The following ZEB2 variants were observed in gnomAD, a reference collection of about 807,000 sequenced individuals.
ZEB2 encodes the protein zinc finger E-box-binding homeobox 2.
A neutral mutation model predicts 99.9 loss-of-function variants in ZEB2; 6 were observed. That is an observed-to-expected ratio of 0.06 (90% confidence interval 0.03 to 0.12). The LOEUF is 0.12. ZEB2 is among the 10% of genes least tolerant of loss of function. The probability of loss-of-function intolerance (pLI) is 1.00; values close to 1 mark genes in which losing one functional copy is unlikely to be tolerated. For synonymous variants in ZEB2, 517 were observed against 542.5 expected (o/e 0.95, Z 0.65); for missense variants, 969 against 1,502.8 (o/e 0.64, Z 5.87).
intron 2 of ZEB2, among the ~76,000 whole-genome samples, chr2:144,500,239 C>T (rs1294188513): frequency 6.6e-6 from 1 of 152,054 alleles, no homozygotes; most frequent in African/African-American, 2.4e-5. Flanking sequence ...TTAGGCAGCG[C>T]GACCGCATTT....
chr2:144,510,073 C>T (rs1242710852), intron 2 of ZEB2, among the ~76,000 whole-genome samples: 1 of 152,080 alleles, frequency 6.6e-6, no homozygotes. Flanking sequence ...GTGTGAAAAA[C>T]GTGGCACTTT....
At chr2:144,437,732 T>A (rs556453756) in intron 2 of ZEB2, among the ~76,000 whole-genome samples, 1 of 152,174 alleles carries the variant, frequency 6.6e-6, no homozygotes, top group South Asian at 2.1e-4. Flanking sequence ...AAACCTTGAA[T>A]AAACGGAATA....
chr2:144,516,229 C>CT (rs1197257044), intron 2 of ZEB2: 2 of 148,470 alleles, frequency 1.3e-5, no homozygotes, highest in South Asian at 2.2e-4. Flanking sequence ...CCCACCCCCC[C>CT]CCGGCACCCT....
chr2:144,489,110 C>G (rs548971900), intron 2 of ZEB2, among the ~76,000 whole-genome samples: 3 of 152,114 alleles, frequency 2.0e-5, no homozygotes, highest in African/African-American at 7.2e-5. Flanking sequence ...AGAATTTACA[C>G]GAGTGCTATT....
intron 2 of ZEB2, among the ~76,000 whole-genome samples, chr2:144,452,127 T>C (rs1704062695): frequency 6.6e-6 from 1 of 152,166 alleles, no homozygotes; most frequent in African/African-American, 2.4e-5. Context: ...AGCCTTTTAA[T>C]GTTATTTATT....
chr2:144,490,651 C>G (rs1704664344), intron 2 of ZEB2, among the ~76,000 whole-genome samples: 1 of 152,156 alleles, frequency 6.6e-6, no homozygotes, highest in Non-Finnish European at 1.5e-5. Context: ...CTAAAAAGAG[C>G]CTCGATGAAA....
intron 2 of ZEB2, among the ~76,000 whole-genome samples, chr2:144,488,670 A>AGTGTGTGT (rs57221448): frequency 0.011 from 1,575 of 148,104 alleles, 15 homozygotes; most frequent in African/African-American, 0.021. Flanking sequence ...CTCGTGTGTG[A>AGTGTGTGT]GTGTGTGTGT....
chr2:144,406,148 G>A (rs765932333), intron 4 of ZEB2, among the ~76,000 whole-genome samples: 1 of 152,078 alleles, frequency 6.6e-6, no homozygotes, highest in Non-Finnish European at 1.5e-5. Context: ...GCAGGGTGAT[G>A]CGCAAGCAAG....
chr2:144,450,893 G>C (rs563131390), intron 2 of ZEB2, among the ~76,000 whole-genome samples: 9 of 152,280 alleles, frequency 5.9e-5, no homozygotes, highest in African/African-American at 2.2e-4. Context: ...GGCCAGGCTG[G>C]TCTCAAACTC....
At chr2:144,501,706 C>A (rs2149925617) in intron 2 of ZEB2, among the ~76,000 whole-genome samples, 1 of 152,208 alleles carries the variant, frequency 6.6e-6, no homozygotes, top group South Asian at 2.1e-4. Context: ...ATAGGAAACC[C>A]CAAACTGATG....
chr2:144,393,376 T>C (rs1275516526), intron 9 of ZEB2, among the ~76,000 whole-genome samples: 2 of 152,216 alleles, frequency 1.3e-5, no homozygotes, highest in Non-Finnish European at 2.9e-5. Context: ...AGTTAAACGA[T>C]TCTATATGTA....
intron 2 of ZEB2, among the ~76,000 whole-genome samples, chr2:144,502,798 A>G (rs911233122): frequency 1.3e-5 from 2 of 152,062 alleles, no homozygotes; most frequent in African/African-American, 4.8e-5. Context: ...TTAAGTCTCA[A>G]TCTTAATTCT....
intron 2 of ZEB2, among the ~76,000 whole-genome samples, chr2:144,498,908 A>AAATG (rs1353198353): frequency 1.3e-5 from 2 of 152,314 alleles, no homozygotes; most frequent in East Asian, 1.9e-4. Flanking sequence ...CTGTCTCTAA[A>AAATG]AATGAATGAA....
chr2:144,421,467 T>C (rs1573736782), intron 4 of ZEB2, among the ~76,000 whole-genome samples: 2 of 152,218 alleles, frequency 1.3e-5, no homozygotes, highest in South Asian at 2.1e-4. Context: ...AAAGAATATG[T>C]ACTTATTCTC....
At chr2:144,432,885 G>C (rs1002246111) in intron 2 of ZEB2, among the ~76,000 whole-genome samples, 28 of 152,218 alleles carry the variant, frequency 1.8e-4, no homozygotes, top group South Asian at 1.0e-3. Flanking sequence ...TTTAAATGAG[G>C]TTCATTGGGC....
At position 144,513,182 on chromosome 2, in the gene ZEB2, G is replaced by A. The variant is rs183484723; in HGVS notation, c.73+4096C>T. ...TCTCTGAAACGGGAGCAACTTCTCC[G>A]TCCCTCATTGCCTCTAACCATCACT... On this transcript the variant is annotated intron_variant, in intron 2 of 9. Transcript: ENST00000627532. 680 of 1,286,698 alleles carry A rather than the reference G, an allele frequency of 5.3e-4. 2 individuals are homozygous for A. In the African/African-American group the frequency reaches 9.1e-3, roughly 17 times the overall value. 79.7% of individuals were successfully genotyped at this position (1,286,698 alleles called of 1,614,324 possible).
intron 2 of ZEB2, among the ~76,000 whole-genome samples, chr2:144,445,304 G>C (rs537952466): frequency 8.1e-6 from 1 of 123,530 alleles, no homozygotes; most frequent in Admixed American, 1.0e-4. Context: ...AGGCATGAAA[G>C]TGAGTAAGTG....
chr2:144,442,177 T>C (rs1703926760), intron 2 of ZEB2, among the ~76,000 whole-genome samples: 1 of 152,124 alleles, frequency 6.6e-6, no homozygotes, highest in African/African-American at 2.4e-5. Flanking sequence ...GACTATAAAG[T>C]TTTACCAAGA....
chr2:144,469,633 C>A (rs1704327999), intron 2 of ZEB2, among the ~76,000 whole-genome samples: 2 of 152,214 alleles, frequency 1.3e-5, no homozygotes, highest in African/African-American at 4.8e-5. Flanking sequence ...GTCCTTTGGG[C>A]TGTTATTTAT....
Sources: allele counts gnomAD v4.1 joint callset (sites outside exome capture counted in the v4.1 genomes callset), GRCh38; gene constraint gnomAD v4.1.1; transcripts MANE v1.5; gene names NCBI Gene and HGNC (gene_info 2026-07-23, HGNC 2026-07-21).